ANKFN1: variants seen among roughly 807,000 people sequenced by gnomAD.
ANKFN1 encodes the protein ankyrin repeat and fibronectin type III domain containing 1.
A neutral mutation model predicts 108.7 loss-of-function variants in ANKFN1; 74 were observed. The observed-to-expected ratio is 0.68, with a 90% CI of 0.56 to 0.83. ANKFN1 has a LOEUF of 0.83. Among genes scored for constraint, ANKFN1 ranks in the 40% least tolerant of loss-of-function variants. The pLI, the probability that ANKFN1 is intolerant of heterozygous loss-of-function variation, is 0.00. For synonymous variants in ANKFN1, 547 were observed against 516.2 expected (o/e 1.06, Z -0.81); for missense variants, 1,505 against 1,382.3 (o/e 1.09, Z -1.41).
chr17:56,099,503 C>T (rs370265881), intron 4 of ANKFN1, among the ~76,000 whole-genome samples: 1 of 152,084 alleles, frequency 6.6e-6, no homozygotes, highest in Middle Eastern at 3.2e-3. Context: ...ATGTTCAACA[C>T]GTGTAGATTA....
chr17:56,160,421 C>A (rs1371765773), intron 1 of ANKFN1, among the ~76,000 whole-genome samples: 1 of 152,104 alleles, frequency 6.6e-6, no homozygotes, highest in Non-Finnish European at 1.5e-5. Flanking sequence ...TCCTTTCTTT[C>A]TTTTTTCTTT....
chr17:56,165,859 G>A (rs528711891), intron 1 of ANKFN1, among the ~76,000 whole-genome samples: 6 of 152,176 alleles, frequency 3.9e-5, no homozygotes, highest in East Asian at 1.9e-4. Context: ...ATTGTTCCTC[G>A]TCTGTTGAAA....
intron 4 of ANKFN1, among the ~76,000 whole-genome samples, chr17:56,126,341 C>T (rs974471948): frequency 5.3e-5 from 8 of 152,098 alleles, no homozygotes; most frequent in South Asian, 4.2e-4. Flanking sequence ...CCCTGCCAGA[C>T]GACAGCGGAT....
intron 14 of ANKFN1, among the ~76,000 whole-genome samples, chr17:56,464,925 C>T (rs2050025446): frequency 6.6e-6 from 1 of 152,104 alleles, no homozygotes; most frequent in Non-Finnish European, 1.5e-5. Flanking sequence ...GGTTTAATAG[C>T]AATGGTAGGC....
At chr17:56,262,606 T>C (rs1015663420) in intron 3 of ANKFN1, among the ~76,000 whole-genome samples, 1 of 152,200 alleles carries the variant, frequency 6.6e-6, no homozygotes, top group South Asian at 2.1e-4. Context: ...GTTTCTTTTG[T>C]AGCATTTGAA....
intron 4 of ANKFN1, among the ~76,000 whole-genome samples, chr17:56,343,355 T>C (rs2046009754): frequency 6.6e-6 from 1 of 151,982 alleles, no homozygotes; most frequent in Non-Finnish European, 1.5e-5. Context: ...TTTTGAAATG[T>C]AGTTTTGTTG....
chr17:56,390,367 G>T (rs2144870416), intron 8 of ANKFN1, among the ~76,000 whole-genome samples: 1 of 152,266 alleles, frequency 6.6e-6, no homozygotes, highest in East Asian at 1.9e-4. Flanking sequence ...TCCCTGAAAA[G>T]GACATGATCT....
intron 4 of ANKFN1, among the ~76,000 whole-genome samples, chr17:56,334,518 T>C (rs1396770172): frequency 6.6e-6 from 1 of 152,132 alleles, no homozygotes; most frequent in African/African-American, 2.4e-5. Context: ...TAAAGGATAA[T>C]AACTAATATT....
intron 4 of ANKFN1, among the ~76,000 whole-genome samples, chr17:56,075,442 C>T (rs1290165842): frequency 6.6e-6 from 1 of 152,110 alleles, no homozygotes; most frequent in Non-Finnish European, 1.5e-5. Flanking sequence ...CTCAGCATCT[C>T]CTCAAGTTTG....
At chr17:56,509,570 G>T (rs995276427) in intron 20 of ANKFN1, among the ~76,000 whole-genome samples, 2 of 152,188 alleles carry the variant, frequency 1.3e-5, no homozygotes, top group African/African-American at 4.8e-5. Context: ...CTGAAAAAAG[G>T]CGGTCTTTTA....
At chr17:56,335,226 T>C (rs2045773983) in intron 4 of ANKFN1, among the ~76,000 whole-genome samples, 1 of 152,224 alleles carries the variant, frequency 6.6e-6, no homozygotes, top group Non-Finnish European at 1.5e-5. Context: ...CCATATGAAC[T>C]TTAAAGTAGT....
intron 18 of ANKFN1, among the ~76,000 whole-genome samples, chr17:56,488,446 A>G (rs780633767): frequency 6.6e-6 from 1 of 151,788 alleles, no homozygotes; most frequent in Admixed American, 6.6e-5. Context: ...AGGAAGGAGG[A>G]ACAGGTTTAG....
chr17:56,156,659 T>C (rs1374823600), intron 1 of ANKFN1: 1 of 152,248 alleles, frequency 6.6e-6, no homozygotes, highest in Admixed American at 6.5e-5. Context: ...AGGTGACTTG[T>C]GCCAAGTCTT....
At chr17:56,298,274 G>A (rs186179595) in intron 3 of ANKFN1, among the ~76,000 whole-genome samples, 97 of 152,276 alleles carry the variant, frequency 6.4e-4, no homozygotes, top group African/African-American at 2.2e-3. Context: ...AATTATGGAT[G>A]ATTTTTGCTT....
intron 1 of ANKFN1, among the ~76,000 whole-genome samples, chr17:56,187,920 C>T (rs555458264): frequency 2.7e-4 from 35 of 130,912 alleles, no homozygotes; most frequent in South Asian, 1.4e-3. Context: ...CATGACACAC[C>T]GGGGCCTGTC....
At chr17:56,174,196 G>T (rs563655240) in intron 1 of ANKFN1, 16 of 985,600 alleles carry the variant, frequency 1.6e-5, no homozygotes, top group Non-Finnish European at 1.9e-5. Flanking sequence ...TGGCCACAGA[G>T]CCAGATGCCT....
At chr17:56,388,775 C>T (rs1373168301) in intron 8 of ANKFN1, among the ~76,000 whole-genome samples, 2 of 152,108 alleles carry the variant, frequency 1.3e-5, no homozygotes, top group Non-Finnish European at 2.9e-5. Context: ...TCCCTCTCAG[C>T]GTATTCTCTA....
chr17:56,495,597 G>A (rs1033095081), intron 19 of ANKFN1, among the ~76,000 whole-genome samples: 10 of 152,128 alleles, frequency 6.6e-5, no homozygotes, highest in Non-Finnish European at 7.4e-5. Context: ...CTGGGCCACG[G>A]GAGGTGTAGA....
At chr17:56,408,617 G>A (rs562617527) in intron 8 of ANKFN1, among the ~76,000 whole-genome samples, 3 of 152,210 alleles carry the variant, frequency 2.0e-5, no homozygotes, top group African/African-American at 7.2e-5. Flanking sequence ...GAGATACTAA[G>A]GTTAGATTAT....
Sources: gnomAD v4.1 joint callset for allele counts (sites outside exome capture counted in the v4.1 genomes callset) on GRCh38, gnomAD v4.1.1 for gene constraint, MANE v1.5 for transcripts, NCBI Gene and HGNC (gene_info 2026-07-23, HGNC 2026-07-21) for gene names.